PAK4: variants seen among roughly 807,000 people sequenced by gnomAD.
PAK4 encodes the protein p21 (RAC1) activated kinase 4, also known as serine/threonine-protein kinase PAK 4.
A neutral mutation model predicts 53.5 loss-of-function variants in PAK4; 49 were observed. That is an observed-to-expected ratio of 0.92 (90% CI 0.73 to 1.16). The LOEUF (loss-of-function observed/expected upper bound fraction) is 1.16. Among genes scored for constraint, PAK4 ranks in the 50% most tolerant of loss-of-function variants. PAK4 has a pLI of 0.00. For synonymous variants in PAK4, 376 were observed against 375.6 expected (o/e 1.00, Z -0.01); for missense variants, 824 against 850.7 (o/e 0.97, Z 0.39).
At chr19:39,126,729 C>T (rs1268013586) in intron 1 of PAK4, among the ~76,000 whole-genome samples, 1 of 152,142 alleles carries the variant, frequency 6.6e-6, no homozygotes, top group South Asian at 2.1e-4. Flanking sequence ...CCGACCGCCT[C>T]TCAAATCATC....
In PAK4 at chr19:39,129,357, C is replaced by T. The variant is rs141613276; in HGVS notation, c.-23+3438C>T. Among the ~76,000 whole-genome samples, 93 of 152,034 alleles carry T rather than the reference C, an allele frequency of 6.1e-4. 1 individual carries two copies. The highest frequency in any genetic ancestry group is 2.0e-3 in the African/African-American group (83 of 41,478). On this transcript the variant is annotated intron_variant, in intron 1 of 8. Transcript: ENST00000358301. ...CCTGTTGATGGCCACTGAGGTGGTCCGTTGGAGCTATAACCGTGCAGCAGT... is the reference window on the plus strand; with the variant it reads ...CCTGTTGATGGCCACTGAGGTGGTCTGTTGGAGCTATAACCGTGCAGCAGT...
chr19:39,140,633 G>GT (rs1490364039), intron 1 of PAK4, among the ~76,000 whole-genome samples: 1 of 152,114 alleles, frequency 6.6e-6, no homozygotes, highest in Non-Finnish European at 1.5e-5. Flanking sequence ...GATGGGACTA[G>GT]GGGGGACTGA....
At chr19:39,172,762 G>A (rs1196548548) in intron 2 of PAK4, among the ~76,000 whole-genome samples, 156 bp from the exon 4 acceptor site, 1 of 152,088 alleles carries the variant, frequency 6.6e-6, no homozygotes, top group African/African-American at 2.4e-5. Flanking sequence ...GGGAGGGGCT[G>A]CACTGCCCAT....
rs2074517779 is a variant in PAK4 at position 39,173,101 on chromosome 19, G to A, written c.388G>A (p.Gly130Arg). 2 of 1,548,124 alleles carry A rather than the reference G, an allele frequency of 1.3e-6. No individual in the cohort carries two copies. Among genetic ancestry groups the A allele is most frequent in the Non-Finnish European group, 8.7e-7 (1 of 1,146,182 alleles). Residue 130 changes from glycine to arginine, a missense_variant, in exon 3 of 9, where the codon GGG becomes AGG. By Grantham distance (125) the Gly-to-Arg change is moderately radical. Transcript: ENST00000358301. The surrounding 1 kb of genome is among the most constrained non-coding windows in gnomAD (Gnocchi z 6.9). ...GGCCACCACGGCCAGAGGGGGCCCA[G>A]GGAAGGCAGGCAGCCGAGGCCGGTT...
At chr19:39,155,791 C>T (rs1317471679) in intron 1 of PAK4, among the ~76,000 whole-genome samples, 1 of 152,296 alleles carries the variant, frequency 6.6e-6, no homozygotes, top group East Asian at 1.9e-4. Context: ...AGTCACTCCG[C>T]CTCTCCGCGC....
Position 39,161,224 on chromosome 19 carries a change from C to T in PAK4, c.-22-8308C>T, listed in dbSNP as rs371939607. The stretch of plus-strand genomic sequence containing the variant: ...GAAATGCAGCCATCATGAACCAAAA[C>T]GCGGTCCCTGTCCATATGAGTCACT... On this transcript the variant is annotated intron_variant, in intron 1 of 8. Transcript: ENST00000358301. The surrounding 1 kb of genome is among the most constrained non-coding windows in gnomAD (Gnocchi z 4.5). Among the ~76,000 whole-genome samples, 19 of 152,348 alleles carry T rather than the reference C, an allele frequency of 1.2e-4. No homozygotes were observed. Among genetic ancestry groups the T allele is most frequent in the Admixed American group, 5.2e-4 (8 of 15,306 alleles).
chr19:39,181,297 C>T (rs1242248518), downstream of PAK4: 5 of 152,226 alleles, frequency 3.3e-5, no homozygotes, highest in East Asian at 1.9e-4. Flanking sequence ...GAAAGCTGCC[C>T]GAGGCCCCGT....
At chr19:39,157,862 C>A (rs1371445352) in intron 1 of PAK4, among the ~76,000 whole-genome samples, 1 of 152,188 alleles carries the variant, frequency 6.6e-6, no homozygotes, top group Non-Finnish European at 1.5e-5. Context: ...AGTTCATGTG[C>A]CTGGAGGCCT....
At chr19:39,180,987 CAG>C (rs1600423924), downstream of PAK4, 1 of 152,282 alleles carries the variant, frequency 6.6e-6, no homozygotes, top group Non-Finnish European at 1.5e-5. Context: ...ACCACGGGCT[CAG>C]AGACGGGGAG....
At chr19:39,174,094 C>A in intron 4 of PAK4, 84 bp downstream of exon 5, 1 of 898,226 alleles carries the variant, frequency 1.1e-6, no homozygotes, top group Non-Finnish European at 1.7e-6. Flanking sequence ...CCTCTCCCTG[C>A]ACTCCTCCGT....
intron 1 of PAK4, among the ~76,000 whole-genome samples, chr19:39,149,914 C>T (rs117994081): frequency 6.6e-6 from 1 of 152,080 alleles, no homozygotes; most frequent in Non-Finnish European, 1.5e-5. Context: ...GAAAGTAGAA[C>T]AGAGGTTATC....
intron 1 of PAK4, among the ~76,000 whole-genome samples, chr19:39,137,786 C>A (rs2073842577): frequency 6.6e-6 from 1 of 151,826 alleles, no homozygotes; most frequent in Non-Finnish European, 1.5e-5. Flanking sequence ...CCTGCCTCAG[C>A]CTCCGGAGTA....
chr19:39,175,687 C>T lies in PAK4; in HGVS notation c.1359+249C>T, dbSNP rs1321757418. ...CAGCACAGGACACTGGGCCCAGGGG[C>T]AGGGATCTGGGCAGACAGCGCAGCC... On this transcript the variant is annotated intron_variant, in intron 6 of 8. Coordinates refer to ENST00000358301, the Ensembl canonical transcript of PAK4. The surrounding 1 kb of genome is among the most constrained non-coding windows in gnomAD (Gnocchi z 4.7). Among the ~76,000 whole-genome samples the T allele has an allele frequency of 6.6e-6, 1 of 152,076 alleles. No individual in the cohort carries two copies. The highest frequency in any genetic ancestry group is 1.5e-5 in the Non-Finnish European group (1 of 67,982).
chr19:39,133,031 G>A (rs2073743018), intron 1 of PAK4, among the ~76,000 whole-genome samples: 1 of 152,198 alleles, frequency 6.6e-6, no homozygotes, highest in South Asian at 2.1e-4. Context: ...CAGCAAATAC[G>A]TGGCAGATGT....
chr19:39,129,086 A>G (rs111763060), intron 1 of PAK4, among the ~76,000 whole-genome samples: 3 of 152,134 alleles, frequency 2.0e-5, no homozygotes, highest in African/African-American at 7.2e-5. Flanking sequence ...CATTATAGGT[A>G]TATTTGAGAT....
intron 1 of PAK4, among the ~76,000 whole-genome samples, chr19:39,164,066 G>A (rs897927315): frequency 3.3e-5 from 5 of 151,992 alleles, no homozygotes; most frequent in Non-Finnish European, 7.4e-5. Flanking sequence ...CACCTGAGGT[G>A]AGGAGTTCAA....
rs189434820 is a variant in PAK4 at position 39,161,114 on chromosome 19, C to T, written c.-22-8418C>T. 9.2e-5 allele frequency among the ~76,000 whole-genome samples: 14 copies of T among 152,340 alleles called. No homozygotes were observed. Among genetic ancestry groups the T allele is most frequent in the Admixed American group, 9.1e-4 (14 of 15,308 alleles). On this transcript the variant is annotated intron_variant, in intron 1 of 8. Coordinates refer to ENST00000358301, the Ensembl canonical transcript of PAK4. This position sits in a 1 kb window ranked among gnomAD's most constrained non-coding sequence, Gnocchi z 4.5. ...GCACTGTTTAGAGGGCTCCGCGTGGCCTGGTCTGTGTGCCTGGCACAGCCT... is the reference window on the plus strand; with the variant it reads ...GCACTGTTTAGAGGGCTCCGCGTGGTCTGGTCTGTGTGCCTGGCACAGCCT...
At chr19:39,179,788 G>C (rs2074681764), downstream of PAK4, 2 of 152,296 alleles carry the variant, frequency 1.3e-5, no homozygotes, top group African/African-American at 4.8e-5. Flanking sequence ...ATGGGCTTTT[G>C]GGGATTGACT....
chr19:39,133,659 G>T lies in PAK4; in HGVS notation c.-23+7740G>T, dbSNP rs529010775. On this transcript the variant is annotated intron_variant, in intron 1 of 8. Transcript: ENST00000358301. ...CCAGGCAGGCTGCCCAGGAGCTTTCGAGCAGACACCTTGAGGGTTGGGAGC... is the reference window on the plus strand; with the variant it reads ...CCAGGCAGGCTGCCCAGGAGCTTTCTAGCAGACACCTTGAGGGTTGGGAGC... 1.1e-4 allele frequency among the ~76,000 whole-genome samples: 17 copies of T among 152,284 alleles called. No homozygotes were observed. The East Asian group carries it at 3.3e-3, about 29-fold the overall frequency.
Sources: gnomAD v4.1 joint callset for allele counts (sites outside exome capture counted in the v4.1 genomes callset) on GRCh38, gnomAD v4.1.1 for gene constraint, Gnocchi (gnomAD v3.1) non-coding constraint, MANE v1.5 for transcripts, NCBI Gene and HGNC (gene_info 2026-07-23, HGNC 2026-07-21) for gene names.